The following SEC14L1 variants were observed in gnomAD, a reference collection of about 807,000 sequenced individuals.
The protein encoded by SEC14L1 is SEC14-like protein 1.
In SEC14L1, 48 loss-of-function variants were observed where a neutral mutation model predicts 85.3. The observed-to-expected ratio is 0.56, with a 90% CI of 0.45 to 0.72. SEC14L1 has a LOEUF of 0.72. SEC14L1 is among the 30% of genes least tolerant of loss of function. The pLI is 0.00. For synonymous variants in SEC14L1, 391 were observed against 355.5 expected (o/e 1.10, Z -1.12); for missense variants, 682 against 921.4 (o/e 0.74, Z 3.36).
intron 3 of SEC14L1, among the ~76,000 whole-genome samples, chr17:77,189,811 G>A (rs1048486882): frequency 6.6e-6 from 1 of 152,084 alleles, no homozygotes; most frequent in African/African-American, 2.4e-5. Flanking sequence ...TGTATCTTTA[G>A]TAGAGACGGG....
intron 8 of SEC14L1, among the ~76,000 whole-genome samples, chr17:77,199,966 T>C (rs1372643718): frequency 6.6e-6 from 1 of 152,166 alleles, no homozygotes; most frequent in Non-Finnish European, 1.5e-5. Flanking sequence ...CTCAGGCGTT[T>C]GAGACCAGCC....
In SEC14L1 at chr17:77,215,484, C is replaced by T. The variant is rs761865539; in HGVS notation, c.*1461C>T. ...CTCTGAAGGCACTGTGTGGGTGCTG[C>T]GTGACTGGAGAGCTGTGTGGAGGCC... On this transcript the variant is annotated 3_prime_UTR_variant, in exon 17 of 17. Coordinates refer to ENST00000436233, the MANE Select transcript of SEC14L1 (RefSeq NM_001143998.2). The T allele has an allele frequency of 2.4e-5, 24 of 985,558 alleles. No individual in the cohort carries two copies. The highest frequency in any genetic ancestry group is 2.8e-5 in the Non-Finnish European group (23 of 830,158). 61.1% of individuals were successfully genotyped at this position (985,558 alleles called of 1,614,324 possible).
Position 77,203,664 on chromosome 17 carries a change from T to C in SEC14L1, c.1098+6T>C, listed in dbSNP as rs1375327554. The C allele has an allele frequency of 6.2e-7, 1 of 1,608,526 alleles. No individual in the cohort carries two copies. The highest frequency in any genetic ancestry group is 2.2e-5 in the East Asian group (1 of 44,614). ...AGGAAGCCCTGCTGAGATACGTAAGTGCGCGGCTGCGAGACTCCAGGTGCC... is the reference window on the plus strand; with the variant it reads ...AGGAAGCCCTGCTGAGATACGTAAGCGCGCGGCTGCGAGACTCCAGGTGCC... On this transcript the variant is annotated splice_donor_region_variant and intron_variant, in intron 10 of 16. Transcript: ENST00000436233.
intron 9 of SEC14L1, among the ~76,000 whole-genome samples, chr17:77,202,058 A>G (rs1466312647): frequency 6.6e-6 from 1 of 152,124 alleles, no homozygotes; most frequent in Non-Finnish European, 1.5e-5. Context: ...GAGGCTAGGC[A>G]GTGCTGACTC....
At chr17:77,146,389 G>A (rs1352110242) in intron 3 of SEC14L1, among the ~76,000 whole-genome samples, 1 of 152,170 alleles carries the variant, frequency 6.6e-6, no homozygotes, top group Non-Finnish European at 1.5e-5. Context: ...AATAAAAGAG[G>A]AGGTGTTTGG....
intron 3 of SEC14L1, among the ~76,000 whole-genome samples, chr17:77,156,775 C>T (rs1388139554): frequency 6.6e-6 from 1 of 151,790 alleles, no homozygotes; most frequent in Non-Finnish European, 1.5e-5. Context: ...ATTTATGGTT[C>T]AAAAGAATCT....
At chr17:77,126,408 T>C (rs1972449031) in intron 3 of SEC14L1, among the ~76,000 whole-genome samples, 1 of 152,204 alleles carries the variant, frequency 6.6e-6, no homozygotes, top group Non-Finnish European at 1.5e-5. Context: ...TTCAATAGGG[T>C]GCTGAATTTA....
At chr17:77,109,968 C>T (rs532377267) in intron 3 of SEC14L1, among the ~76,000 whole-genome samples, 1 of 152,212 alleles carries the variant, frequency 6.6e-6, no homozygotes, top group Non-Finnish European at 1.5e-5. Flanking sequence ...TCTTGGAATC[C>T]ACTGGACTCC....
At chr17:77,202,947 A>T (rs1976243266) in intron 9 of SEC14L1, among the ~76,000 whole-genome samples, 1 of 151,692 alleles carries the variant, frequency 6.6e-6, no homozygotes, top group Non-Finnish European at 1.5e-5. Context: ...AAAAAAAAAA[A>T]AAAAACAGAG....
rs559865418 is a variant in SEC14L1 at position 77,156,131 on chromosome 17, C to CAT, written c.63+12473_63+12474dup. ...TCACCTGGCTGACTCTAGCTGGCTGCATGCAGTTGCTCCTGGTGGAGGTTC... is the reference window on the plus strand; with the variant it reads ...TCACCTGGCTGACTCTAGCTGGCTGCATATGCAGTTGCTCCTGGTGGAGGTTC... On this transcript the variant is annotated intron_variant, in intron 3 of 16. Transcript: ENST00000436233. 3.3e-5 allele frequency among the ~76,000 whole-genome samples: 5 copies of CAT among 152,306 alleles called. No homozygotes were observed. In the South Asian group the frequency reaches 1.0e-3, roughly 32 times the overall value.
intron 3 of SEC14L1, among the ~76,000 whole-genome samples, chr17:77,160,054 A>G (rs891291442): frequency 2.6e-5 from 4 of 152,232 alleles, no homozygotes; most frequent in East Asian, 1.9e-4. Context: ...ATGAAGTACA[A>G]CCTGCACAGT....
intron 10 of SEC14L1, among the ~76,000 whole-genome samples, chr17:77,204,687 G>A (rs1976375644): frequency 6.6e-6 from 1 of 151,946 alleles, no homozygotes; most frequent in Non-Finnish European, 1.5e-5. Flanking sequence ...TGAGTAGCTG[G>A]GACTACAAGC....
chr17:77,181,557 A>G (rs1199277547), intron 3 of SEC14L1, among the ~76,000 whole-genome samples: 1 of 152,200 alleles, frequency 6.6e-6, no homozygotes, highest in Non-Finnish European at 1.5e-5. Flanking sequence ...GATTACAGTC[A>G]TGCACCACCA....
chr17:77,168,853 A>T (rs1490049111), intron 3 of SEC14L1, among the ~76,000 whole-genome samples: 3 of 152,152 alleles, frequency 2.0e-5, no homozygotes, highest in African/African-American at 7.2e-5. Context: ...TATCCAGTCT[A>T]CATTTTTGTT....
chr17:77,197,058 G>A (rs947002583), intron 8 of SEC14L1, among the ~76,000 whole-genome samples: 9 of 152,246 alleles, frequency 5.9e-5, no homozygotes, highest in Non-Finnish European at 1.2e-4. Flanking sequence ...CACAGCCAGC[G>A]AGTGGTGGGG....
intron 3 of SEC14L1, among the ~76,000 whole-genome samples, chr17:77,151,740 T>C (rs1314864358): frequency 6.6e-6 from 1 of 152,198 alleles, no homozygotes; most frequent in Non-Finnish European, 1.5e-5. Flanking sequence ...CAGTGGCTTA[T>C]GCCCGTAATC....
intron 3 of SEC14L1, among the ~76,000 whole-genome samples, chr17:77,179,794 C>T (rs1974929745): frequency 6.6e-6 from 1 of 151,916 alleles, no homozygotes; most frequent in Non-Finnish European, 1.5e-5. Context: ...CCTGCCTCAG[C>T]TTCCCGAGTA....
chr17:77,099,376 T>C (rs994136006), intron 3 of SEC14L1, among the ~76,000 whole-genome samples: 4 of 152,198 alleles, frequency 2.6e-5, no homozygotes, highest in African/African-American at 9.7e-5. Flanking sequence ...GACATGAGCC[T>C]ATTTGAAAAC....
intron 3 of SEC14L1, among the ~76,000 whole-genome samples, chr17:77,177,975 T>C (rs1387423086): frequency 6.6e-6 from 1 of 152,028 alleles, no homozygotes; most frequent in South Asian, 2.1e-4. Context: ...CAAATTAGGT[T>C]TGGTGGGTAA....
Sources: gnomAD v4.1 joint callset for allele counts (sites outside exome capture counted in the v4.1 genomes callset) on GRCh38, gnomAD v4.1.1 for gene constraint, MANE v1.5 for transcripts, NCBI Gene and HGNC (gene_info 2026-07-23, HGNC 2026-07-21) for gene names.